GPR55: variants seen among roughly 807,000 people sequenced by gnomAD.
GPR55 encodes G-protein coupled receptor 55.
Under a neutral mutation model 7.9 loss-of-function variants are expected in GPR55, and 6 were observed. The ratio of observed to expected loss-of-function variants is 0.76; its 90% CI spans 0.41 to 1.49. The LOEUF (loss-of-function observed/expected upper bound fraction) is 1.49. GPR55 is among the 40% of genes most tolerant of loss of function. The pLI, the probability that GPR55 is intolerant of heterozygous loss-of-function variation, is 0.01. For missense variants in GPR55, 376 were observed against 406.0 expected (o/e 0.93, Z 0.63); for synonymous variants, 183 against 166.8 (o/e 1.10, Z -0.75).
rs866637470 is a variant in GPR55 at position 230,951,761 on chromosome 2, T to C, written c.-135+9014A>G. 4.2e-3 allele frequency among the ~76,000 whole-genome samples: 626 copies of C among 148,614 alleles called. 3 individuals carry two copies. The highest frequency in any genetic ancestry group is 0.015 in the African/African-American group (597 of 39,026). On this transcript the variant is annotated intron_variant, in intron 1 of 1. Coordinates refer to the GPR55 transcript ENST00000392039. ...GGTTTTTTGTTGTTATTGGGGTTTT[T>C]TTTTTTTTTTTTTGTGAGACAGGGT...
intron 1 of GPR55, among the ~76,000 whole-genome samples, chr2:230,950,715 G>C (rs61480167): frequency 2.0e-5 from 3 of 152,072 alleles, no homozygotes; most frequent in African/African-American, 7.2e-5. Context: ...TTACAGTCTC[G>C]TGTTATGACA....
intron 1 of GPR55, among the ~76,000 whole-genome samples, chr2:230,915,391 G>A (rs1420221826): frequency 6.6e-6 from 1 of 152,216 alleles, no homozygotes; most frequent in Non-Finnish European, 1.5e-5. Context: ...TCCGCAGCAG[G>A]GATGGGTGGG....
intron 1 of GPR55, among the ~76,000 whole-genome samples, chr2:230,918,703 A>T (rs185341566): frequency 6.6e-5 from 10 of 152,306 alleles, no homozygotes; most frequent in Non-Finnish European, 1.5e-4. Context: ...ATTATAAATC[A>T]TCATGATGAA....
At chr2:230,943,613 A>G (rs1252283478) in intron 1 of GPR55, among the ~76,000 whole-genome samples, 1 of 152,124 alleles carries the variant, frequency 6.6e-6, no homozygotes, top group Non-Finnish European at 1.5e-5. Context: ...TCCCCTCTAA[A>G]TCTCATGTTG....
chr2:230,930,205 C>T (rs1283167555), upstream of GPR55, among the ~76,000 whole-genome samples: 4 of 152,202 alleles, frequency 2.6e-5, no homozygotes, highest in African/African-American at 2.4e-5. Flanking sequence ...CTCAGGGACA[C>T]GGGGATAGGA....
chr2:230,958,064 T>C (rs1412501765), intron 1 of GPR55: 1 of 264,768 alleles, frequency 3.8e-6, no homozygotes, highest in Non-Finnish European at 7.8e-6. Flanking sequence ...TAAATAAAGT[T>C]TAAGTTGTAA....
At chr2:230,921,831 A>G (rs1033618042) in intron 1 of GPR55, among the ~76,000 whole-genome samples, 1 of 152,184 alleles carries the variant, frequency 6.6e-6, no homozygotes, top group Non-Finnish European at 1.5e-5. Context: ...GAACCACAGC[A>G]TGGGAGAAGA....
intron 1 of GPR55, among the ~76,000 whole-genome samples, chr2:230,947,815 T>C (rs1691343434): frequency 6.6e-6 from 1 of 152,144 alleles, no homozygotes. Flanking sequence ...TAGTGCTATT[T>C]TTTAAAGTAC....
In GPR55 at chr2:230,910,695, AG is replaced by A. The variant is rs1167437164; in HGVS notation, c.267del (p.Phe90SerfsTer40). The A allele has an allele frequency of 6.2e-7, 1 of 1,613,188 alleles. No homozygotes were observed. Among genetic ancestry groups the A allele is most frequent in the Admixed American group, 1.7e-5 (1 of 60,026 alleles). On this transcript the variant is annotated frameshift_variant, in exon 2 of 2. Coordinates refer to ENST00000650999, the MANE Select transcript of GPR55 (RefSeq NM_005683.4). LOFTEE classifies it high-confidence loss of function. The surrounding 1 kb of genome is among the most constrained non-coding windows in gnomAD (Gnocchi z 5.4). ...TCCACCAGGGTGCACAGGGACGGGA[AG>A]GGGGACTGTACCTGGGACAGGACCA... ...FKMVLSQVQS[P>X]FPSLCTLVEC...
In GPR55 at chr2:230,910,442, TC is replaced by T. The variant is rs1690562484; in HGVS notation, c.520del (p.Asp174MetfsTer79). The T allele has an allele frequency of 6.2e-7, 1 of 1,613,710 alleles. No individual in the cohort carries two copies. Among genetic ancestry groups the T allele is most frequent in the Non-Finnish European group, 8.5e-7 (1 of 1,179,804 alleles). On this transcript the variant is annotated frameshift_variant, in exon 2 of 2. Transcript: ENST00000650999. LOFTEE classifies it high-confidence loss of function. This position sits in a 1 kb window ranked among gnomAD's most constrained non-coding sequence, Gnocchi z 5.4. ...GAAGACCTTGGCGCTCCAGGTATCA[TC>T]AGACATGTTGTGGAAGCACATGTAT... The part of the protein sequence containing the change: ...EKYMCFHNMS[D>X]DTWSAKVFFP...
intron 1 of GPR55, among the ~76,000 whole-genome samples, chr2:230,936,930 A>G (rs181819398): frequency 3.3e-5 from 5 of 152,352 alleles, no homozygotes; most frequent in Admixed American, 3.3e-4. Context: ...AAGGAATAGA[A>G]GTCAGGACTC....
chr2:230,912,294 C>T (rs2125047830), intron 1 of GPR55, among the ~76,000 whole-genome samples: 1 of 152,300 alleles, frequency 6.6e-6, no homozygotes, highest in East Asian at 1.9e-4. Context: ...CTTCCTGTGC[C>T]TCTCCCACCT....
At chr2:230,940,978 G>A (rs1461928348) in intron 1 of GPR55, among the ~76,000 whole-genome samples, 3 of 152,144 alleles carry the variant, frequency 2.0e-5, no homozygotes, top group Admixed American at 6.5e-5. Context: ...TTAGCCGGAC[G>A]TGGCGGTGTG....
intron 1 of GPR55, among the ~76,000 whole-genome samples, chr2:230,934,668 CG>C (rs1691105115): frequency 6.6e-6 from 1 of 152,180 alleles, no homozygotes; most frequent in Admixed American, 6.5e-5. Context: ...CCGGACGCCT[CG>C]GGGTGGCCCT....
chr2:230,950,791 G>A (rs929542318), intron 1 of GPR55, among the ~76,000 whole-genome samples: 3 of 152,010 alleles, frequency 2.0e-5, no homozygotes, highest in Non-Finnish European at 2.9e-5. Context: ...TTCACCTGCC[G>A]CAAGGCAGGA....
At chr2:230,953,702 G>A (rs554837692) in intron 1 of GPR55, among the ~76,000 whole-genome samples, 1 of 152,328 alleles carries the variant, frequency 6.6e-6, no homozygotes, top group African/African-American at 2.4e-5. Context: ...CAGGGGACAA[G>A]AACCTGGTAA....
intron 1 of GPR55, chr2:230,957,555 C>G (rs1349954449): frequency 2.6e-6 from 1 of 379,796 alleles, no homozygotes; most frequent in Non-Finnish European, 5.2e-6. Flanking sequence ...CCCGCGGCGC[C>G]GGCGGTGCTG....
intron 1 of GPR55, among the ~76,000 whole-genome samples, chr2:230,915,393 A>G (rs1378082454): frequency 1.3e-5 from 2 of 152,120 alleles, no homozygotes; most frequent in Admixed American, 1.3e-4. Context: ...CGCAGCAGGG[A>G]TGGGTGGGTG....
rs947280729 is a variant in GPR55 at position 230,911,111 on chromosome 2, A to G, written c.-134-15T>C. 7.7e-6 allele frequency: 6 copies of G among 776,010 alleles called. No individual in the cohort carries two copies. The Admixed American group carries it at 1.3e-4, about 17-fold the overall frequency. 48.1% of individuals were successfully genotyped at this position (776,010 alleles called of 1,614,324 possible). On this transcript the variant is annotated splice_polypyrimidine_tract_variant and intron_variant, in intron 1 of 1. Transcript: ENST00000650999. The stretch of plus-strand genomic sequence containing the variant: ...TTGAATCACAACTAGAACACAGAAA[A>G]GAAAAATTACCTTTAATCCTGCTGC...
Sources: allele counts gnomAD v4.1 joint callset (sites outside exome capture counted in the v4.1 genomes callset), GRCh38; gene constraint gnomAD v4.1.1; non-coding constraint Gnocchi (gnomAD v3.1); transcripts MANE v1.5; gene names NCBI Gene and HGNC (gene_info 2026-07-23, HGNC 2026-07-21).